PTPRT: variants seen among roughly 807,000 people sequenced by gnomAD.
PTPRT encodes the protein receptor-type tyrosine-protein phosphatase T.
A neutral mutation model predicts 176.8 loss-of-function variants in PTPRT; 56 were observed. The observed-to-expected ratio is 0.32, with a 90% CI of 0.26 to 0.40. The LOEUF is 0.40. Among genes scored for constraint, PTPRT ranks in the 10% least tolerant of loss-of-function variants. The pLI, the probability that PTPRT is intolerant of heterozygous loss-of-function variation, is 1.00. For missense variants in PTPRT, 1,540 were observed against 1,908.2 expected, an observed-to-expected ratio of 0.81 and a Z score of 3.60; for synonymous variants, 783 against 739.0, an observed-to-expected ratio of 1.06 and a Z score of -0.96.
chr20:42,440,768 T>TGC, intron 9 of PTPRT, among the ~76,000 whole-genome samples: 1 of 152,310 alleles, frequency 6.6e-6, no homozygotes, highest in East Asian at 1.9e-4. Context: ...TGAGCCACCA[T>TGC]GCCCGGCCTG....
chr20:42,326,905 T>A (rs1184136715), intron 11 of PTPRT, among the ~76,000 whole-genome samples: 3 of 151,588 alleles, frequency 2.0e-5, no homozygotes, highest in Admixed American at 6.6e-5. Flanking sequence ...AATTTGACAA[T>A]TCCAGTAAGA....
At chr20:43,153,113 G>A (rs1295520676) in intron 1 of PTPRT, among the ~76,000 whole-genome samples, 1 of 152,164 alleles carries the variant, frequency 6.6e-6, no homozygotes, top group Non-Finnish European at 1.5e-5. Context: ...ACATGAGTGA[G>A]TGGGCAAAGG....
In PTPRT at chr20:42,248,893, A is replaced by G. The variant is rs564123614; in HGVS notation, c.2177-71T>C. Reference sequence around the variant, plus strand: ...ATGCGACTAGACAATCATCATAATGACAACAGCTTCCTTTAGTTGAGTGCT... The same window carrying G: ...ATGCGACTAGACAATCATCATAATGGCAACAGCTTCCTTTAGTTGAGTGCT... On this transcript the variant is annotated intron_variant, in intron 13 of 30. Transcript: ENST00000373187. The G allele has an allele frequency of 3.9e-5, 61 of 1,561,284 alleles. No individual in the cohort carries two copies. The Middle Eastern group carries it at 6.8e-4, about 17-fold the overall frequency.
At chr20:42,203,423 A>G (rs1991529281) in intron 15 of PTPRT, among the ~76,000 whole-genome samples, 1 of 152,172 alleles carries the variant, frequency 6.6e-6, no homozygotes, top group African/African-American at 2.4e-5. Context: ...TTCTCTGCAC[A>G]TAACCTTATC....
In PTPRT at chr20:42,277,198, T is replaced by C. The variant is rs555695191; in HGVS notation, c.2176+5291A>G. On this transcript the variant is annotated intron_variant, in intron 13 of 30. Transcript: ENST00000373187. Reference sequence around the variant, plus strand: ...CTTTCAGCACCCACTCCAAGGGGGTTGTTTTAATGGGATCGTTAGAGAGTG... The same window carrying C: ...CTTTCAGCACCCACTCCAAGGGGGTCGTTTTAATGGGATCGTTAGAGAGTG... 1.2e-4 allele frequency among the ~76,000 whole-genome samples: 19 copies of C among 152,308 alleles called. No homozygotes were observed. In the South Asian group the frequency reaches 3.9e-3, roughly 32 times the overall value.
chr20:42,206,869 C>A (rs1600676087), intron 15 of PTPRT, among the ~76,000 whole-genome samples: 1 of 152,246 alleles, frequency 6.6e-6, no homozygotes, highest in East Asian at 1.9e-4. Flanking sequence ...ACAGCAGTAA[C>A]CTCTGCAGAC....
chr20:42,301,569 G>A (rs956435753), intron 12 of PTPRT, among the ~76,000 whole-genome samples: 1 of 152,060 alleles, frequency 6.6e-6, no homozygotes, highest in Non-Finnish European at 1.5e-5. Flanking sequence ...TAATTGTATT[G>A]TAGTTATGTT....
intron 4 of PTPRT, among the ~76,000 whole-genome samples, chr20:42,772,753 C>G (rs529431169): frequency 5.3e-5 from 8 of 152,254 alleles, no homozygotes; most frequent in African/African-American, 1.9e-4. Flanking sequence ...GAGGCTTTGG[C>G]CATCTTTCTA....
rs1313694890 is a variant in PTPRT at position 42,344,756 on chromosome 20, A to T, written c.1865+5872T>A. Among the ~76,000 whole-genome samples the T allele has an allele frequency of 2.6e-5, 4 of 152,272 alleles. No individual in the cohort carries two copies. In the East Asian group the frequency reaches 7.7e-4, roughly 29 times the overall value. On this transcript the variant is annotated intron_variant, in intron 11 of 30. Coordinates refer to ENST00000373187, the MANE Select transcript of PTPRT (RefSeq NM_007050.6). ...CAATGTTCCACACTCCCTTCTGAAC[A>T]AAGTCTAAATCCAGAGTGAAGACCT...
At chr20:43,058,327 G>T (rs1987322837) in intron 1 of PTPRT, among the ~76,000 whole-genome samples, 1 of 151,920 alleles carries the variant, frequency 6.6e-6, no homozygotes, top group African/African-American at 2.4e-5. Context: ...AAAGAGGGAG[G>T]AAGAGAAAGT....
chr20:42,250,917 T>C (rs2056540956), intron 13 of PTPRT, among the ~76,000 whole-genome samples: 1 of 152,184 alleles, frequency 6.6e-6, no homozygotes, highest in African/African-American at 2.4e-5. Flanking sequence ...AGTAGACTCT[T>C]CTCATCTACA....
chr20:43,020,746 C>T (rs1484920763), intron 1 of PTPRT, among the ~76,000 whole-genome samples: 1 of 152,064 alleles, frequency 6.6e-6, no homozygotes, highest in Non-Finnish European at 1.5e-5. Context: ...TTTCAAGGCC[C>T]CATGACATAT....
intron 2 of PTPRT, among the ~76,000 whole-genome samples, chr20:42,840,193 C>G (rs1281980808): frequency 6.8e-6 from 1 of 147,842 alleles, no homozygotes; most frequent in Non-Finnish European, 1.5e-5. Context: ...TGGTTTACAG[C>G]TGCGTGACCC....
intron 11 of PTPRT, among the ~76,000 whole-genome samples, chr20:42,340,640 A>C (rs1568790089): frequency 6.6e-6 from 1 of 152,210 alleles, no homozygotes; most frequent in Non-Finnish European, 1.5e-5. Flanking sequence ...CATGGCACAG[A>C]GCCATGCTCT....
intron 9 of PTPRT, among the ~76,000 whole-genome samples, chr20:42,377,839 A>T (rs1488427943): frequency 6.6e-6 from 1 of 152,226 alleles, no homozygotes; most frequent in Non-Finnish European, 1.5e-5. Context: ...AGCCAGAGTG[A>T]AGTGGTAGCA....
chr20:42,032,869 G>A, the PTPRT span, among the ~76,000 whole-genome samples: 1 of 152,146 alleles, frequency 6.6e-6, no homozygotes, highest in Admixed American at 6.5e-5. Context: ...GTATTTCAGT[G>A]CTGCAGTCCA....
chr20:42,881,715 ACT>A (rs1472090236), intron 2 of PTPRT, among the ~76,000 whole-genome samples: 3 of 133,418 alleles, frequency 2.2e-5, no homozygotes, highest in African/African-American at 9.2e-5. Context: ...ACAGAGCGAC[ACT>A]CTGTCTCAAA....
At chr20:42,870,432 T>A (rs374729568) in intron 2 of PTPRT, among the ~76,000 whole-genome samples, 15 of 152,330 alleles carry the variant, frequency 9.8e-5, no homozygotes, top group African/African-American at 2.4e-4. Context: ...GTTGCTTCCA[T>A]CTCTTGGCTA....
chr20:42,701,940 G>A (rs983755768), intron 6 of PTPRT, among the ~76,000 whole-genome samples: 5 of 152,052 alleles, frequency 3.3e-5, no homozygotes, highest in East Asian at 1.9e-4. Context: ...AGAGATATAC[G>A]CAAGGCCATA....
Sources: gnomAD v4.1 joint callset for allele counts (sites outside exome capture counted in the v4.1 genomes callset) on GRCh38, gnomAD v4.1.1 for gene constraint, MANE v1.5 for transcripts, NCBI Gene and HGNC (gene_info 2026-07-23, HGNC 2026-07-21) for gene names.